Variants in USP36 observed in about 807,000 individuals in gnomAD.
USP36 encodes ubiquitin specific peptidase 36, also known as ubiquitin carboxyl-terminal hydrolase 36.
USP36 carries 59 observed loss-of-function variants against 111.5 expected under a neutral mutation model. That is an observed-to-expected ratio of 0.53 (90% confidence interval 0.43 to 0.66). USP36 has a LOEUF of 0.66. USP36 is among the 30% of genes least tolerant of loss of function. USP36 has a pLI of 0.00. For synonymous variants in USP36, 628 were observed against 581.0 expected (o/e 1.08, Z -1.16); for missense variants, 1,488 against 1,468.0 (o/e 1.01, Z -0.22).
At chr17:78,793,970 C>T (rs140775990), downstream of USP36, among the ~76,000 whole-genome samples, 26 of 152,290 alleles carry the variant, frequency 1.7e-4, no homozygotes, top group African/African-American at 4.6e-4. Flanking sequence ...TGAAGGCCTT[C>T]CTGAAACCAT....
Position 78,812,953 on chromosome 17 carries a change from G to A in USP36, c.1314C>T (p.Gly438=), listed in dbSNP as rs200504456. The part of the protein sequence containing the change: ...KSPEGLISRT[G]SSSLPGRPSV... ...TCGGGCGGCCGGGAAGGGAGGAGGA[G>A]CCTGTCCTGGAGATGAGGCCCTCGG... Residue 438 remains glycine, a synonymous_variant, in exon 13 of 21, where the codon GGC becomes GGT. Transcript: ENST00000449938. 1 of 1,614,114 alleles carries A rather than the reference G, an allele frequency of 6.2e-7. No individual in the cohort carries two copies. Among genetic ancestry groups the A allele is most frequent in the Non-Finnish European group, 8.5e-7 (1 of 1,180,022 alleles).
chr17:78,807,389 C>T lies in USP36; in HGVS notation c.1655G>A (p.Gly552Glu), dbSNP rs142617524. 1 of 1,614,162 alleles carries T rather than the reference C, an allele frequency of 6.2e-7. No individual in the cohort carries two copies. Among genetic ancestry groups the T allele is most frequent in the Non-Finnish European group, 8.5e-7 (1 of 1,180,028 alleles). The change falls in exon 14 of 21, where the codon GGG becomes GAG. Residue 552 changes from glycine to glutamate, a missense_variant. By Grantham distance (98) the Gly-to-Glu change is moderately conservative (BLOSUM62 -2). Transcript: ENST00000449938. The stretch of plus-strand genomic sequence containing the variant: ...ATTCGAGTTGCTGGTCCCAGGCAGC[C>T]CCTGAGCAGTTCTGGGGGAAAAGTG... ...PQHFSPRTAQ[G>E]LPGTSNSNSS...
chr17:78,827,383 G>A lies in USP36; in HGVS notation c.587-36C>T, dbSNP rs970229861. The A allele has an allele frequency of 6.3e-6, 10 of 1,579,956 alleles. No individual in the cohort carries two copies. The African/African-American group carries it at 1.3e-4, about 21-fold the overall frequency. On this transcript the variant is annotated intron_variant, in intron 5 of 20. Transcript: ENST00000449938. ...AAGAAACAGGGAGGGAAGAGCTCGT[G>A]TCTTCTCATCAAACGGCCTGCGGCT...
At chr17:78,830,119 T>C (rs1475936521) in intron 4 of USP36, among the ~76,000 whole-genome samples, 1 of 152,198 alleles carries the variant, frequency 6.6e-6, no homozygotes, top group Non-Finnish European at 1.5e-5. Flanking sequence ...TCAATCTCTC[T>C]CAACCCCATT....
chr17:78,812,071 C>A (rs768317431), intron 13 of USP36, among the ~76,000 whole-genome samples: 1 of 152,006 alleles, frequency 6.6e-6, no homozygotes, highest in African/African-American at 2.4e-5. Flanking sequence ...CTGATAGTCC[C>A]GAATACTAGG....
rs371423258 is a variant in USP36 at position 78,818,766 on chromosome 17, C to T, written c.924G>A (p.Lys308=). Residue 308 remains lysine (K), a synonymous_variant, in exon 10 of 21, where the codon AAG becomes AAA. Coordinates refer to ENST00000449938, the MANE Select transcript of USP36 (RefSeq NM_001385174.1). The part of the protein sequence containing the change: ...NAYMCAKCKK[K]VPASKRFTIH... ...TGGTGAAGCGCTTGCTGGCTGGAAC[C>T]TTCTTCTTGCATCTATGAAGAAGGT... 17 of 1,613,794 alleles carry T rather than the reference C, an allele frequency of 1.1e-5. No homozygotes were observed. The highest frequency in any genetic ancestry group is 9.9e-5 in the South Asian group (9 of 91,072).
chr17:78,833,788 A>G (rs910794022), intron 4 of USP36, among the ~76,000 whole-genome samples: 3 of 152,050 alleles, frequency 2.0e-5, no homozygotes, highest in African/African-American at 7.2e-5. Flanking sequence ...TACAATTTTT[A>G]TATCTATGTT....
intron 3 of USP36, among the ~76,000 whole-genome samples, chr17:78,788,777 A>T (rs1487173314): frequency 1.3e-5 from 2 of 152,170 alleles, no homozygotes; most frequent in East Asian, 3.9e-4. Context: ...CCCTCCACCA[A>T]GGGGAGAATT....
chr17:78,799,877 CTTTTTTTTTTTTTTTT>C (rs549964435), intron 17 of USP36, 109 bp from the exon 18 acceptor site: 4,206 of 155,604 alleles, frequency 0.027, 64 homozygotes, highest in Non-Finnish European at 0.042. Context: ...GGATGCTTGC[CTTTTTTTTTTTTTTTT>C]TTTTTTTTTT....
intron 13 of USP36, among the ~76,000 whole-genome samples, chr17:78,812,423 C>T (rs952804923): frequency 2.6e-5 from 4 of 152,202 alleles, no homozygotes; most frequent in African/African-American, 7.2e-5. Flanking sequence ...GGCGCGGTGG[C>T]TCATGCCTGT....
chr17:78,836,399 C>T, intron 2 of USP36, 27 bp from the exon 3 acceptor site: 1 of 1,599,658 alleles, frequency 6.3e-7, no homozygotes, highest in Non-Finnish European at 8.5e-7. Flanking sequence ...AAACATAGAG[C>T]CATAGATAAC....
intron 5 of USP36, among the ~76,000 whole-genome samples, chr17:78,827,764 C>A (rs953787456): frequency 6.6e-6 from 1 of 152,068 alleles, no homozygotes; most frequent in East Asian, 1.9e-4. Flanking sequence ...AAAAAATTAG[C>A]CAGGCATGAT....
chr17:78,816,569 T>C (rs1347297734), intron 10 of USP36, among the ~76,000 whole-genome samples: 1 of 151,740 alleles, frequency 6.6e-6, no homozygotes, highest in East Asian at 1.9e-4. Flanking sequence ...GATATTGCAG[T>C]GAGCTGAGAT....
At chr17:78,826,686 A>G (rs1431498055) in intron 6 of USP36, 1 of 185,836 alleles carries the variant, frequency 5.4e-6, no homozygotes, top group Non-Finnish European at 1.1e-5. Flanking sequence ...GAATGACACA[A>G]AGACAATTTG....
chr17:78,837,983 G>A (rs1033526983), intron 2 of USP36, among the ~76,000 whole-genome samples: 1 of 152,180 alleles, frequency 6.6e-6, no homozygotes, highest in Non-Finnish European at 1.5e-5. Flanking sequence ...TGCTTGGGAG[G>A]CTGAGGTGGG....
chr17:78,835,917 C>T, intron 3 of USP36, 194 bp downstream of exon 3: 1 of 795,170 alleles, frequency 1.3e-6, no homozygotes, highest in Non-Finnish European at 1.9e-6. Context: ...CACAGATCCA[C>T]CAAGCACACA....
Position 78,788,915 on chromosome 17 carries a change from T to A in USP36, c.*21-1257A>T, listed in dbSNP as rs186109101. Among the ~76,000 whole-genome samples, 3 of 151,812 alleles carry A rather than the reference T, an allele frequency of 2.0e-5. No homozygotes were observed. The East Asian group carries it at 5.8e-4, about 30-fold the overall frequency. ...CAATGCTGGCTTCACGAAAGAGAGATGAGGCCAGGTGCGGTGACTCACGCC... is the reference window on the plus strand; with the variant it reads ...CAATGCTGGCTTCACGAAAGAGAGAAGAGGCCAGGTGCGGTGACTCACGCC... On this transcript the variant is annotated intron_variant, in intron 3 of 3. Coordinates refer to the USP36 transcript ENST00000588130.
At chr17:78,804,190 A>G (rs953049376) in intron 15 of USP36, among the ~76,000 whole-genome samples, 5 of 152,204 alleles carry the variant, frequency 3.3e-5, no homozygotes, top group Non-Finnish European at 1.5e-5. Context: ...GGCCAGGTAC[A>G]GTGGCTCATG....
chr17:78,807,489 A>G lies in USP36; in HGVS notation c.1555T>C (p.Ser519Pro). ...LPSGSPSPKL[S>P]QTPTHMPTIL... ...GTTGGCATGTGTGTGGGTGTCTGGGAGAGTTTGGGGGAAGGGGACCCCGAG... is the reference window on the plus strand; with the variant it reads ...GTTGGCATGTGTGTGGGTGTCTGGGGGAGTTTGGGGGAAGGGGACCCCGAG... Residue 519 changes from serine (S) to proline (P), a missense_variant, in exon 14 of 21, where the codon TCC becomes CCC. Ser to Pro is a moderately conservative substitution (Grantham distance 74). This residue lies in a region of USP36 where 1,073 missense variants were observed against 994.1 expected (regional missense o/e 1.08). Transcript: ENST00000449938. 6.2e-7 allele frequency: 1 copy of G among 1,613,690 alleles called. No individual in the cohort carries two copies. The highest frequency in any genetic ancestry group is 8.5e-7 in the Non-Finnish European group (1 of 1,179,852).
Sources: allele counts gnomAD v4.1 joint callset (sites outside exome capture counted in the v4.1 genomes callset), GRCh38; gene constraint gnomAD v4.1.1; regional missense constraint gnomAD v4.1.1; transcripts MANE v1.5; gene names NCBI Gene and HGNC (gene_info 2026-07-23, HGNC 2026-07-21).